Variants in FAF1 observed in about 807,000 individuals in gnomAD.
FAF1 encodes the protein FAS-associated factor 1.
FAF1 carries 25 observed loss-of-function variants against 92.5 expected under a neutral mutation model. That is an observed-to-expected ratio of 0.27 (90% CI 0.20 to 0.38). The LOEUF (loss-of-function observed/expected upper bound fraction) is 0.38, where lower values mean the gene tolerates loss of function less well. Ranked by LOEUF, FAF1 falls within the 10% of genes least tolerant of loss-of-function variation. The pLI, the probability that FAF1 is intolerant of heterozygous loss-of-function variation, is 1.00. For missense variants in FAF1, 636 were observed against 793.3 expected, an observed-to-expected ratio of 0.80 and a Z score of 2.38; for synonymous variants, 234 against 273.2, an observed-to-expected ratio of 0.86 and a Z score of 1.42.
intron 1 of FAF1, among the ~76,000 whole-genome samples, chr1:50,946,281 T>C (rs959033896): frequency 9.2e-5 from 14 of 152,310 alleles, no homozygotes; most frequent in African/African-American, 3.1e-4. Context: ...CTGGGGAGGA[T>C]TTGAGGGTGA....
At chr1:50,718,497 C>T (rs937725740) in intron 6 of FAF1, among the ~76,000 whole-genome samples, 1 of 152,212 alleles carries the variant, frequency 6.6e-6, no homozygotes, top group African/African-American at 2.4e-5. Flanking sequence ...AACATCAATA[C>T]AGTGATTGAA....
intron 15 of FAF1, among the ~76,000 whole-genome samples, chr1:50,499,363 G>GTGT (rs759738462): frequency 0.012 from 1,374 of 110,082 alleles, 24 homozygotes; most frequent in African/African-American, 0.044. Flanking sequence ...TAGCTGTAGG[G>GTGT]TTTTTTTTTT....
chr1:50,767,808 T>C (rs1396645062), intron 4 of FAF1, among the ~76,000 whole-genome samples: 1 of 152,100 alleles, frequency 6.6e-6, no homozygotes, highest in Admixed American at 6.6e-5. Context: ...GTGCTAAATA[T>C]GGAAAGGAAA....
chr1:50,941,505 C>T (rs1336761619), intron 1 of FAF1, among the ~76,000 whole-genome samples: 2 of 152,168 alleles, frequency 1.3e-5, no homozygotes, highest in Non-Finnish European at 2.9e-5. Flanking sequence ...GCATGAGCCA[C>T]CGTGCCAGTC....
At chr1:50,728,111 T>C (rs1468733344) in intron 6 of FAF1, among the ~76,000 whole-genome samples, 6 of 152,162 alleles carry the variant, frequency 3.9e-5, no homozygotes, top group Admixed American at 3.9e-4. Flanking sequence ...CCCTGACTAA[T>C]ACAATTACTA....
chr1:50,820,051 C>A lies in FAF1; in HGVS notation c.115-18374G>T, dbSNP rs951128613. Among the ~76,000 whole-genome samples, 34 of 151,782 alleles carry A rather than the reference C, an allele frequency of 2.2e-4. No homozygotes were observed. The East Asian group carries it at 6.0e-3, about 27-fold the overall frequency. ...CGTGCACGGCATCCTTTCTCCTCCC[C>A]ATGCCTTTTTATATGAGGTACTTAA... On this transcript the variant is annotated intron_variant, in intron 2 of 18. Coordinates refer to ENST00000396153, the MANE Select transcript of FAF1 (RefSeq NM_007051.3).
intron 12 of FAF1, among the ~76,000 whole-genome samples, chr1:50,574,896 C>CTGTTTTTTTTTTGTTTTTTTTTTTTTTTT: frequency 8.1e-6 from 1 of 122,916 alleles, no homozygotes; most frequent in South Asian, 2.7e-4. Context: ...GTTGTATTAA[C>CTGTTTTTTTTTTGTTTTTTTTTTTTTTTT]TCTTTTTTTT....
chr1:50,931,928 A>AATAATG (rs71059600), intron 1 of FAF1, among the ~76,000 whole-genome samples: 3 of 141,818 alleles, frequency 2.1e-5, no homozygotes, highest in African/African-American at 7.4e-5. Context: ...TAATAATAAT[A>AATAATG]GCACATGAAA....
chr1:50,566,981 T>C (rs1160248180), intron 13 of FAF1, 96 bp downstream of exon 13: 1 of 937,510 alleles, frequency 1.1e-6, no homozygotes, highest in Non-Finnish European at 1.5e-6. Context: ...GTAGAGAGTT[T>C]AATGCTGAGG....
intron 1 of FAF1, among the ~76,000 whole-genome samples, chr1:50,914,166 A>AT (rs1159182837): frequency 1.3e-5 from 2 of 152,094 alleles, no homozygotes; most frequent in African/African-American, 2.4e-5. Context: ...CCAAACTCTT[A>AT]TTTTTTCAGC....
At chr1:50,593,801 A>G (rs1340598733) in intron 9 of FAF1, among the ~76,000 whole-genome samples, 2 of 152,236 alleles carry the variant, frequency 1.3e-5, no homozygotes, top group Admixed American at 6.5e-5. Context: ...CTTCAATTAC[A>G]TAACTCCATT....
intron 15 of FAF1, among the ~76,000 whole-genome samples, chr1:50,507,765 G>A (rs1647077736): frequency 6.6e-6 from 1 of 152,086 alleles, no homozygotes; most frequent in South Asian, 2.1e-4. Context: ...TTAGTGATTT[G>A]AGCAGTGAAA....
chr1:50,674,976 C>A (rs1053640346), intron 7 of FAF1, among the ~76,000 whole-genome samples: 4 of 151,972 alleles, frequency 2.6e-5, no homozygotes, highest in Admixed American at 2.6e-4. Flanking sequence ...CTGCAACCTC[C>A]GCCTCCTGGG....
intron 18 of FAF1, among the ~76,000 whole-genome samples, chr1:50,448,778 CTA>C (rs1646258677): frequency 6.6e-6 from 1 of 152,124 alleles, no homozygotes; most frequent in Non-Finnish European, 1.5e-5. Flanking sequence ...CACCTGAGTG[CTA>C]TGTCTATCTT....
At chr1:50,705,759 A>T in intron 7 of FAF1, 27 bp downstream of exon 7, 1 of 1,287,068 alleles carries the variant, frequency 7.8e-7, no homozygotes, top group Non-Finnish European at 1.1e-6. Flanking sequence ...AGCTACCTTT[A>T]TTTCTTAGCT....
At chr1:50,658,888 T>C (rs973270722) in intron 7 of FAF1, among the ~76,000 whole-genome samples, 3 of 152,218 alleles carry the variant, frequency 2.0e-5, no homozygotes, top group East Asian at 3.8e-4. Context: ...ATTCCATGCA[T>C]ACCAATGCTG....
intron 18 of FAF1, among the ~76,000 whole-genome samples, chr1:50,454,886 C>T (rs1038947239): frequency 7.2e-5 from 11 of 152,204 alleles, no homozygotes; most frequent in African/African-American, 2.7e-4. Flanking sequence ...CTACCTATCC[C>T]CAGGTCCTAG....
chr1:50,662,793 C>T (rs1015656429), intron 7 of FAF1, among the ~76,000 whole-genome samples: 2 of 138,544 alleles, frequency 1.4e-5, no homozygotes, highest in Non-Finnish European at 3.0e-5. Flanking sequence ...CGCCGCCTCC[C>T]GGGTTCACGT....
chr1:50,701,574 T>C (rs1223886810), intron 7 of FAF1, among the ~76,000 whole-genome samples: 1 of 152,108 alleles, frequency 6.6e-6, no homozygotes, highest in East Asian at 1.9e-4. Flanking sequence ...AAATATACGC[T>C]AGTCAAGCAA....
Sources: allele counts gnomAD v4.1 joint callset (sites outside exome capture counted in the v4.1 genomes callset), GRCh38; gene constraint gnomAD v4.1.1; transcripts MANE v1.5; gene names NCBI Gene and HGNC (gene_info 2026-07-23, HGNC 2026-07-21).